Variants in AGAP1 observed in about 807,000 individuals in gnomAD.
AGAP1 encodes arf-GAP with GTPase, ANK repeat and PH domain-containing protein 1.
Under a neutral mutation model 105.3 loss-of-function variants are expected in AGAP1, and 29 were observed. The ratio of observed to expected loss-of-function variants is 0.28; its 90% CI spans 0.21 to 0.38. The LOEUF (loss-of-function observed/expected upper bound fraction) is 0.38, where lower values mean the gene tolerates loss of function less well. AGAP1 is among the 10% of genes least tolerant of loss of function. The pLI, the probability that AGAP1 is intolerant of heterozygous loss-of-function variation, is 1.00. For synonymous variants in AGAP1, 509 were observed against 485.9 expected, an observed-to-expected ratio of 1.05 and a Z score of -0.63; for missense variants, 998 against 1,165.1, an observed-to-expected ratio of 0.86 and a Z score of 2.09.
rs1370828669 is a variant in AGAP1 at position 235,655,827 on chromosome 2, G to T, written c.164-53352G>T. Among the ~76,000 whole-genome samples the T allele has an allele frequency of 6.6e-6, 1 of 152,164 alleles. No individual in the cohort carries two copies. Among genetic ancestry groups the T allele is most frequent in the Non-Finnish European group, 1.5e-5 (1 of 68,034 alleles). Reference sequence around the variant, plus strand: ...AGTTTATTCAGTAGAAATTTCCAAGGTATTTTTTTAAGTGAGGCACCATCC... The same window carrying T: ...AGTTTATTCAGTAGAAATTTCCAAGTTATTTTTTTAAGTGAGGCACCATCC... On this transcript the variant is annotated intron_variant, in intron 1 of 17. Transcript: ENST00000304032. This position sits in a 1 kb window ranked among gnomAD's most constrained non-coding sequence, Gnocchi z 4.3.
Position 236,124,266 on chromosome 2 carries a change from C to A in AGAP1, c.*144C>A. The A allele has an allele frequency of 1.1e-6, 1 of 949,662 alleles. No individual in the cohort carries two copies. The highest frequency in any genetic ancestry group is 1.6e-6 in the Non-Finnish European group (1 of 637,092). 58.8% of individuals were successfully genotyped at this position (949,662 alleles called of 1,614,324 possible). On this transcript the variant is annotated 3_prime_UTR_variant, in exon 18 of 18. Coordinates refer to ENST00000304032, the MANE Select transcript of AGAP1 (RefSeq NM_001037131.3). The surrounding 1 kb of genome is among the most constrained non-coding windows in gnomAD (Gnocchi z 5.1). ...TCCCTCCCGCCCACCCACTCTCACC[C>A]CAAACAAAATCACAAAACCTGGACA...
At position 235,977,224 on chromosome 2, in the gene AGAP1, C is replaced by T. The variant is rs1256360838; in HGVS notation, c.1645+8601C>T. On this transcript the variant is annotated intron_variant, in intron 13 of 17. Coordinates refer to ENST00000304032, the MANE Select transcript of AGAP1 (RefSeq NM_001037131.3). The surrounding 1 kb of genome is among the most constrained non-coding windows in gnomAD (Gnocchi z 5.2). ...GCTTGGGAGACCCTGCATTGGTCGA[C>T]TTTCATTAGAATCTAGGATCTGTCT... 6.6e-6 allele frequency among the ~76,000 whole-genome samples: 1 copy of T among 151,992 alleles called. No homozygotes were observed. Among genetic ancestry groups the T allele is most frequent in the African/African-American group, 2.4e-5 (1 of 41,384 alleles).
intron 6 of AGAP1, among the ~76,000 whole-genome samples, chr2:235,763,785 A>G (rs1954666550): frequency 6.6e-6 from 1 of 152,230 alleles, no homozygotes; most frequent in Non-Finnish European, 1.5e-5. Flanking sequence ...AAATAAGTCC[A>G]CGTCCTGTAA....
At chr2:235,878,391 A>G (rs1221687749) in intron 9 of AGAP1, among the ~76,000 whole-genome samples, 1 of 152,176 alleles carries the variant, frequency 6.6e-6, no homozygotes, top group African/African-American at 2.4e-5. Context: ...CCAGCCCTGC[A>G]GGGTCGCTGT....
At chr2:235,558,852 G>C (rs1468150957) in intron 1 of AGAP1, among the ~76,000 whole-genome samples, 1 of 152,154 alleles carries the variant, frequency 6.6e-6, no homozygotes, top group East Asian at 1.9e-4. Flanking sequence ...ACATGTGAGT[G>C]CTGTGAAATC....
chr2:235,959,434 C>G lies in AGAP1; in HGVS notation c.1484-9028C>G, dbSNP rs1404003222. Among the ~76,000 whole-genome samples, 1 of 152,140 alleles carries G rather than the reference C, an allele frequency of 6.6e-6. No individual in the cohort carries two copies. The highest frequency in any genetic ancestry group is 1.9e-4 in the East Asian group (1 of 5,168). On this transcript the variant is annotated intron_variant, in intron 12 of 17. Transcript: ENST00000304032. The surrounding 1 kb of genome is among the most constrained non-coding windows in gnomAD (Gnocchi z 7.3). Reference sequence around the variant, plus strand: ...GGAATGTTAAACAACTCCTTGAAAGCGAGCTCTCGACACCTAGAAGCCAGG... The same window carrying G: ...GGAATGTTAAACAACTCCTTGAAAGGGAGCTCTCGACACCTAGAAGCCAGG...
chr2:235,759,454 C>A (rs1012944171), intron 6 of AGAP1, among the ~76,000 whole-genome samples: 3 of 152,226 alleles, frequency 2.0e-5, no homozygotes, highest in South Asian at 2.1e-4. Context: ...CAGGCGTGAG[C>A]CACCGCGCCC....
At chr2:235,806,564 C>T (rs573486358) in intron 8 of AGAP1, among the ~76,000 whole-genome samples, 5 of 152,140 alleles carry the variant, frequency 3.3e-5, no homozygotes, top group Admixed American at 1.3e-4. Flanking sequence ...AGCAGTGCAT[C>T]GGAGATAATT....
rs79137621 is a variant in AGAP1, at chr2:235,533,503, A to G, written c.163+38654A>G. 3.9e-3 allele frequency among the ~76,000 whole-genome samples: 588 copies of G among 152,336 alleles called. 17 individuals are homozygous for G. In the East Asian group the frequency reaches 0.072, roughly 19 times the overall value. Reference sequence around the variant, plus strand: ...GTCAGATAATTAGGAACTGGGTGGCATTTTATGCTAAGGATCAAAACAAAG... The same window carrying G: ...GTCAGATAATTAGGAACTGGGTGGCGTTTTATGCTAAGGATCAAAACAAAG... On this transcript the variant is annotated intron_variant, in intron 1 of 17. Coordinates refer to ENST00000304032, the MANE Select transcript of AGAP1 (RefSeq NM_001037131.3).
chr2:235,779,290 A>G (rs1409504798), intron 6 of AGAP1, among the ~76,000 whole-genome samples: 1 of 152,206 alleles, frequency 6.6e-6, no homozygotes, highest in African/African-American at 2.4e-5. Flanking sequence ...CAATTCACAC[A>G]GTCTCCAACC....
rs1559351143 is a variant in AGAP1 at position 235,686,656 on chromosome 2, TATATA to T, written c.164-22522_164-22518del. ...ATATATATATATATAGATATATATA[TATATA>T]TATATTTTTTTTTTTTTTTAGACAG... On this transcript the variant is annotated intron_variant, in intron 1 of 17. Transcript: ENST00000304032. 3.2e-3 allele frequency among the ~76,000 whole-genome samples: 186 copies of T among 58,436 alleles called. 7 individuals carry two copies. The highest frequency in any genetic ancestry group is 5.9e-3 in the African/African-American group (56 of 9,462). 38.3% of individuals were successfully genotyped at this position (58,436 alleles called of 152,430 possible). A position where few individuals can be genotyped will look rare whatever the true frequency, so the allele number is the denominator to read the frequency against.
chr2:236,117,922 G>C (rs3729571), intron 16 of AGAP1, among the ~76,000 whole-genome samples: 41,262 of 152,002 alleles, frequency 0.27, 6,317 homozygotes, highest in South Asian at 0.41. Context: ...CTGCATTTGT[G>C]GGGGCCGGTG....
At chr2:235,876,846 CTT>C (rs34849687) in intron 9 of AGAP1, among the ~76,000 whole-genome samples, 97 of 131,416 alleles carry the variant, frequency 7.4e-4, no homozygotes, top group Middle Eastern at 3.8e-3. Flanking sequence ...GGTGTGGAAC[CTT>C]TTTTTTTTTT....
At chr2:235,878,223 G>C (rs1418798457) in intron 9 of AGAP1, among the ~76,000 whole-genome samples, 1 of 152,216 alleles carries the variant, frequency 6.6e-6, no homozygotes, top group Non-Finnish European at 1.5e-5. Flanking sequence ...CAAACACCGC[G>C]TGCACGTGCA....
At chr2:235,922,143 C>T (rs947349767) in intron 11 of AGAP1, among the ~76,000 whole-genome samples, 2 of 152,188 alleles carry the variant, frequency 1.3e-5, no homozygotes, top group African/African-American at 4.8e-5. Context: ...TAGCCGCTCA[C>T]GCTGAGTTTT....
chr2:235,671,222 T>C (rs1948404040), intron 1 of AGAP1, among the ~76,000 whole-genome samples: 1 of 152,194 alleles, frequency 6.6e-6, no homozygotes, highest in South Asian at 2.1e-4. Context: ...GCAGCGGTCC[T>C]GGGTTTTCTG....
At position 235,719,931 on chromosome 2, in the gene AGAP1, T is replaced by C. The variant is rs956847771; in HGVS notation, c.310+2287T>C. Among the ~76,000 whole-genome samples the C allele has an allele frequency of 3.3e-5, 5 of 152,216 alleles. No homozygotes were observed. Among genetic ancestry groups the C allele is most frequent in the African/African-American group, 9.6e-5 (4 of 41,452 alleles). On this transcript the variant is annotated intron_variant, in intron 3 of 17. Coordinates refer to ENST00000304032, the MANE Select transcript of AGAP1 (RefSeq NM_001037131.3). The surrounding 1 kb of genome is among the most constrained non-coding windows in gnomAD (Gnocchi z 4.9). Reference sequence around the variant, plus strand: ...GTGCCTGGAAGCTTCTTAGTCCTGCTGAATTCATGCTTCTCATGGCTGAGC... The same window carrying C: ...GTGCCTGGAAGCTTCTTAGTCCTGCCGAATTCATGCTTCTCATGGCTGAGC...
In AGAP1 at chr2:236,127,015, A is replaced by G. The variant is rs902197447; in HGVS notation, c.*2893A>G. 1 of 152,334 alleles carries G rather than the reference A, an allele frequency of 6.6e-6. No individual in the cohort carries two copies. The highest frequency in any genetic ancestry group is 2.4e-5 in the African/African-American group (1 of 41,450). 9.4% of individuals were successfully genotyped at this position (152,334 alleles called of 1,614,324 possible). On this transcript the variant is annotated 3_prime_UTR_variant, in exon 18 of 18. Coordinates refer to ENST00000304032, the MANE Select transcript of AGAP1 (RefSeq NM_001037131.3). This position sits in a 1 kb window ranked among gnomAD's most constrained non-coding sequence, Gnocchi z 6.6. ...CGTGACGATGACAGATCACCACTGC[A>G]GGATCCCCCTCACCTTTCCTGTTCA...
At position 236,045,808 on chromosome 2, in the gene AGAP1, G is replaced by C. The variant is rs1032820650; in HGVS notation, c.1892-3251G>C. 4 of 390,286 alleles carry C rather than the reference G, an allele frequency of 1.0e-5. No homozygotes were observed. The Admixed American group carries it at 1.2e-4, about 11-fold the overall frequency. 24.2% of individuals were successfully genotyped at this position (390,286 alleles called of 1,614,324 possible). A position where few individuals can be genotyped will look rare whatever the true frequency, so the allele number is the denominator to read the frequency against. On this transcript the variant is annotated intron_variant, in intron 15 of 17. Coordinates refer to ENST00000304032, the MANE Select transcript of AGAP1 (RefSeq NM_001037131.3). The surrounding 1 kb of genome is among the most constrained non-coding windows in gnomAD (Gnocchi z 6.9). ...CTTAGATACCAACCCTTGCCGATGA[G>C]TCATTCTCTGCTGGAGCGGAGGCAA... is the stretch of plus-strand genomic sequence containing the variant.
Sources: gnomAD v4.1 joint callset for allele counts (sites outside exome capture counted in the v4.1 genomes callset) on GRCh38, gnomAD v4.1.1 for gene constraint, Gnocchi (gnomAD v3.1) non-coding constraint, MANE v1.5 for transcripts, NCBI Gene and HGNC (gene_info 2026-07-23, HGNC 2026-07-21) for gene names.